G3BP2: variants seen among roughly 807,000 people sequenced by gnomAD.
The protein encoded by G3BP2 is ras GTPase-activating protein-binding protein 2.
A neutral mutation model predicts 56.7 loss-of-function variants in G3BP2; 11 were observed. The observed-to-expected ratio is 0.19, with a 90% CI of 0.12 to 0.32. G3BP2 has a LOEUF of 0.32. Ranked by LOEUF, G3BP2 falls within the 10% of genes least tolerant of loss-of-function variation. The pLI is 1.00. For synonymous variants in G3BP2, 165 were observed against 191.6 expected, an observed-to-expected ratio of 0.86 and a Z score of 1.15; for missense variants, 340 against 610.9, an observed-to-expected ratio of 0.56 and a Z score of 4.67.
chr4:75,654,504 T>C (rs1195471149), intron 7 of G3BP2, among the ~76,000 whole-genome samples: 1 of 152,186 alleles, frequency 6.6e-6, no homozygotes, highest in East Asian at 1.9e-4. Flanking sequence ...CATTCACAAA[T>C]TGAACAAAGA....
At chr4:75,682,769 CAGG>C (rs1734129292) in intron 3 of G3BP2, among the ~76,000 whole-genome samples, 1 of 151,968 alleles carries the variant, frequency 6.6e-6, no homozygotes, top group South Asian at 2.1e-4. Context: ...ATCACGAGGT[CAGG>C]AGATCGAGAC....
chr4:75,683,094 G>T (rs1307593091), intron 3 of G3BP2, among the ~76,000 whole-genome samples: 1 of 152,074 alleles, frequency 6.6e-6, no homozygotes, highest in East Asian at 1.9e-4. Flanking sequence ...CTCATGCAGG[G>T]TCCGCATCAG....
At chr4:75,718,732 G>C (rs1057430786) in intron 3 of G3BP2, among the ~76,000 whole-genome samples, 3 of 152,130 alleles carry the variant, frequency 2.0e-5, no homozygotes, top group Non-Finnish European at 4.4e-5. Context: ...TCACCACATA[G>C]GCATGCGACC....
intron 3 of G3BP2, among the ~76,000 whole-genome samples, chr4:75,708,599 T>C (rs1719638707): frequency 1.3e-5 from 2 of 152,200 alleles, no homozygotes; most frequent in Admixed American, 6.5e-5. Flanking sequence ...CCTGAGGAGA[T>C]GGTCCATACA....
At chr4:75,672,299 G>A (rs1733548880) in intron 1 of G3BP2, among the ~76,000 whole-genome samples, 1 of 152,146 alleles carries the variant, frequency 6.6e-6, no homozygotes, top group Admixed American at 6.5e-5. Context: ...CCCCAAAGCG[G>A]CAAAGGGCCA....
intron 3 of G3BP2, among the ~76,000 whole-genome samples, chr4:75,686,486 G>T (rs1718608584): frequency 6.7e-6 from 1 of 149,846 alleles, no homozygotes; most frequent in Non-Finnish European, 1.5e-5. Flanking sequence ...GGTGGTGTAA[G>T]AATGAGCCAG....
intron 3 of G3BP2, among the ~76,000 whole-genome samples, chr4:75,695,452 A>G (rs888906469): frequency 1.3e-5 from 2 of 152,218 alleles, no homozygotes; most frequent in Admixed American, 1.3e-4. Flanking sequence ...AAGGTAAGCA[A>G]AGTCAACCTG....
In G3BP2 at chr4:75,718,592, T is replaced by C. The variant is rs150782607; in HGVS notation, c.-25+2285A>G. Among the ~76,000 whole-genome samples, 817 of 152,336 alleles carry C rather than the reference T, an allele frequency of 5.4e-3. 9 individuals are homozygous for C. Among genetic ancestry groups the C allele is most frequent in the African/African-American group, 0.017 (726 of 41,578 alleles). Reference sequence around the variant, plus strand: ...CCAGATTTCCTAGGAGAAATGTGAATGTCCCTGTTCCCCAGCTCCTATGCC... The same window carrying C: ...CCAGATTTCCTAGGAGAAATGTGAACGTCCCTGTTCCCCAGCTCCTATGCC... On this transcript the variant is annotated intron_variant, in intron 3 of 3. Transcript: ENST00000499709.
At chr4:75,648,575 T>A in intron 9 of G3BP2, 64 bp downstream of exon 9, 1 of 848,622 alleles carries the variant, frequency 1.2e-6, no homozygotes, top group Non-Finnish European at 2.0e-6. Context: ...GTTTTTTGTT[T>A]AAGTTCAGTC....
chr4:75,669,090 T>C (rs1013430310), intron 1 of G3BP2, among the ~76,000 whole-genome samples: 6 of 152,230 alleles, frequency 3.9e-5, no homozygotes, highest in African/African-American at 1.2e-4. Context: ...TAGAGTTCTA[T>C]AAGGCAAATT....
intron 3 of G3BP2, among the ~76,000 whole-genome samples, chr4:75,686,926 C>T (rs1455252605): frequency 6.6e-6 from 1 of 152,118 alleles, no homozygotes; most frequent in East Asian, 1.9e-4. Context: ...AGATTTAAAG[C>T]ATTTAAAAGC....
At chr4:75,677,486 A>G (rs6828365), upstream of G3BP2, among the ~76,000 whole-genome samples, 132,981 of 151,966 alleles carry the variant, frequency 0.88, 58,209 homozygotes, top group East Asian at 0.92. Context: ...CAGGAGAATC[A>G]CTTGAACCCA....
chr4:75,647,500 C>T (rs1361916288), intron 9 of G3BP2, among the ~76,000 whole-genome samples: 2 of 150,544 alleles, frequency 1.3e-5, no homozygotes, highest in East Asian at 3.9e-4. Flanking sequence ...GTATAGCTTA[C>T]TAAATATTTG....
intron 2 of G3BP2, chr4:75,661,651 TGACTC>T: frequency 4.5e-6 from 1 of 220,570 alleles, no homozygotes; most frequent in South Asian, 7.3e-5. Flanking sequence ...GAGGAGACCA[TGACTC>T]TAAAAATAAA....
At chr4:75,716,592 C>T (rs867549906) in intron 3 of G3BP2, among the ~76,000 whole-genome samples, 2 of 151,486 alleles carry the variant, frequency 1.3e-5, no homozygotes, top group Non-Finnish European at 1.5e-5. Flanking sequence ...CTCGGCTCAC[C>T]GCAACCTCCG....
At chr4:75,670,180 C>G (rs886752870) in intron 1 of G3BP2, among the ~76,000 whole-genome samples, 1 of 152,194 alleles carries the variant, frequency 6.6e-6, no homozygotes. Context: ...AGGATACTTA[C>G]CCCTTTCCCC....
chr4:75,703,526 C>G (rs1174860833), intron 3 of G3BP2, among the ~76,000 whole-genome samples: 1 of 152,060 alleles, frequency 6.6e-6, no homozygotes, highest in East Asian at 1.9e-4. Flanking sequence ...AATAGACAAA[C>G]AGGGTTTTTA....
At chr4:75,659,002 G>T in intron 2 of G3BP2, 78 bp from the exon 3 acceptor site, 2 of 1,082,760 alleles carry the variant, frequency 1.8e-6, no homozygotes, top group Non-Finnish European at 2.9e-6. Flanking sequence ...TCATAGACTA[G>T]GTTCCGGATC....
chr4:75,669,622 C>T (rs1019402824), intron 1 of G3BP2, among the ~76,000 whole-genome samples: 1 of 152,214 alleles, frequency 6.6e-6, no homozygotes, highest in Admixed American at 6.5e-5. Context: ...TTTCTCATCC[C>T]TGTATCAAAT....
Sources: gnomAD v4.1 joint callset for allele counts (sites outside exome capture counted in the v4.1 genomes callset) on GRCh38, gnomAD v4.1.1 for gene constraint, MANE v1.5 for transcripts, NCBI Gene and HGNC (gene_info 2026-07-23, HGNC 2026-07-21) for gene names.